ACTL8: variants seen among roughly 807,000 people sequenced by gnomAD.
ACTL8 encodes the protein actin-like protein 8.
ACTL8 carries 3 observed loss-of-function variants against 9.3 expected under a neutral mutation model. The ratio of observed to expected loss-of-function variants is 0.32; its 90% CI spans 0.15 to 0.83. The LOEUF (loss-of-function observed/expected upper bound fraction) is 0.83. ACTL8 is among the 40% of genes least tolerant of loss of function. The probability of loss-of-function intolerance (pLI) is 0.57; values close to 1 mark genes in which losing one functional copy is unlikely to be tolerated. For missense variants in ACTL8, 381 were observed against 492.2 expected (o/e 0.77, Z 2.14); for synonymous variants, 224 against 205.9 (o/e 1.09, Z -0.75).
chr1:17,802,415 C>CCGTGCGTGTGTGTGTGTGTGTG (rs1203599989), intron 1 of ACTL8, among the ~76,000 whole-genome samples: 3 of 136,480 alleles, frequency 2.2e-5, no homozygotes, highest in African/African-American at 8.9e-5. Flanking sequence ...TCCCGGATGA[C>CCGTGCGTGTGTGTGTGTGTGTG]TGTGCGTGCG....
chr1:17,757,991 A>G (rs1384166925), intron 1 of ACTL8, among the ~76,000 whole-genome samples: 2 of 152,228 alleles, frequency 1.3e-5, no homozygotes, highest in Admixed American at 6.5e-5. Flanking sequence ...GACTGCATGT[A>G]TCATGTCTAA....
intron 1 of ACTL8, among the ~76,000 whole-genome samples, chr1:17,787,233 A>G (rs186279553): frequency 1.1e-3 from 164 of 152,024 alleles, no homozygotes; most frequent in Non-Finnish European, 1.3e-3. Flanking sequence ...ACCATGTCCT[A>G]TGGAAATCCT....
intron 1 of ACTL8, among the ~76,000 whole-genome samples, chr1:17,810,703 G>T (rs1476990241): frequency 6.6e-6 from 1 of 152,158 alleles, no homozygotes; most frequent in Non-Finnish European, 1.5e-5. Flanking sequence ...AGAAACGACT[G>T]ATCTGTTTTG....
At chr1:17,796,277 G>C (rs1354245431) in intron 1 of ACTL8, among the ~76,000 whole-genome samples, 2 of 151,194 alleles carry the variant, frequency 1.3e-5, no homozygotes, top group African/African-American at 4.9e-5. Flanking sequence ...TTGATGGAGG[G>C]AGGAGGATGG....
chr1:17,781,188 T>C lies in ACTL8; in HGVS notation c.-25+25684T>C, dbSNP rs924972468. Among the ~76,000 whole-genome samples the C allele has an allele frequency of 3.3e-5, 5 of 151,848 alleles. No individual in the cohort carries two copies. The East Asian group carries it at 9.7e-4, about 29-fold the overall frequency. On this transcript the variant is annotated intron_variant, in intron 1 of 2. Coordinates refer to ENST00000375406, the MANE Select transcript of ACTL8 (RefSeq NM_030812.3). ...TCCTTACATGGCCTTCCTCTCTGTG[T>C]GTCTGTGTTCTTTCCCCTTCTTAGA...
Position 17,772,987 on chromosome 1 carries a change from G to A in ACTL8, c.-25+17483G>A, listed in dbSNP as rs542925735. On this transcript the variant is annotated intron_variant, in intron 1 of 2. Transcript: ENST00000375406. ...ATGTGGTTGACCCTCGCTCACAGCA[G>A]CGAGCTTATCAAAGCAGCAATCATA... Among the ~76,000 whole-genome samples, 8 of 152,290 alleles carry A rather than the reference G, an allele frequency of 5.3e-5. No homozygotes were observed. The South Asian group carries it at 1.2e-3, about 24-fold the overall frequency.
intron 1 of ACTL8, among the ~76,000 whole-genome samples, chr1:17,801,740 C>T (rs1042422371): frequency 2.6e-5 from 4 of 152,028 alleles, no homozygotes; most frequent in Admixed American, 2.0e-4. Flanking sequence ...AGTTTTTCAT[C>T]TAAAATTGAG....
Position 17,792,000 on chromosome 1 carries a change from C to A in ACTL8, c.-24-30985C>A, listed in dbSNP as rs552622253. ...CATCCTTGGCTTGGGATCCTGCCCC[C>A]CCTCATCAACCCCATCAGGAACCCT... On this transcript the variant is annotated intron_variant, in intron 1 of 2. Coordinates refer to ENST00000375406, the MANE Select transcript of ACTL8 (RefSeq NM_030812.3). Among the ~76,000 whole-genome samples, 4 of 151,698 alleles carry A rather than the reference C, an allele frequency of 2.6e-5. No individual in the cohort carries two copies. The South Asian group carries it at 6.2e-4, about 24-fold the overall frequency.
intron 1 of ACTL8, among the ~76,000 whole-genome samples, chr1:17,817,106 C>T (rs191956949): frequency 4.5e-4 from 68 of 150,394 alleles, no homozygotes; most frequent in Non-Finnish European, 3.4e-4. Flanking sequence ...AATTTTTAGT[C>T]CTACTCAGTA....
rs184993743 is a variant in ACTL8, at chr1:17,794,380, A to G, written c.-24-28605A>G. ...CTGGGTTTCTGGGGCGATTCAATAC[A>G]TTGTATACCATAAGACTCATGATTG... On this transcript the variant is annotated intron_variant, in intron 1 of 2. Transcript: ENST00000375406. 1.1e-4 allele frequency among the ~76,000 whole-genome samples: 17 copies of G among 152,274 alleles called. No homozygotes were observed. The East Asian group carries it at 3.3e-3, about 29-fold the overall frequency.
At chr1:17,801,232 C>T (rs2066320574) in intron 1 of ACTL8, among the ~76,000 whole-genome samples, 1 of 152,150 alleles carries the variant, frequency 6.6e-6, no homozygotes, top group South Asian at 2.1e-4. Context: ...GCAGATGAGA[C>T]AAGACACAGA....
chr1:17,819,053 C>T (rs923161768), intron 1 of ACTL8, among the ~76,000 whole-genome samples: 1 of 152,230 alleles, frequency 6.6e-6, no homozygotes, highest in Non-Finnish European at 1.5e-5. Context: ...GCCCCTGCCT[C>T]CCAGCCTCCT....
intron 1 of ACTL8, among the ~76,000 whole-genome samples, chr1:17,812,545 T>C (rs938907368): frequency 1.3e-4 from 19 of 148,018 alleles, no homozygotes; most frequent in Non-Finnish European, 8.9e-5. Flanking sequence ...TTCTCCTGCC[T>C]CAGCCTCCCA....
chr1:17,798,178 C>T (rs2066292132), intron 1 of ACTL8, among the ~76,000 whole-genome samples: 1 of 101,506 alleles, frequency 9.9e-6, no homozygotes, highest in African/African-American at 4.3e-5. Context: ...TCATCAGTCC[C>T]GGCTCTGCCT....
chr1:17,781,541 G>T (rs1287712221), intron 1 of ACTL8, among the ~76,000 whole-genome samples: 2 of 152,062 alleles, frequency 1.3e-5, no homozygotes, highest in Non-Finnish European at 2.9e-5. Context: ...ACCCAACCAG[G>T]ATACCAGGAA....
At chr1:17,801,383 C>G (rs2066321596) in intron 1 of ACTL8, among the ~76,000 whole-genome samples, 1 of 152,192 alleles carries the variant, frequency 6.6e-6, no homozygotes, top group Admixed American at 6.5e-5. Context: ...AAACATCTAT[C>G]CTCTTATCTG....
At chr1:17,768,191 G>C (rs976669390) in intron 1 of ACTL8, among the ~76,000 whole-genome samples, 1 of 149,892 alleles carries the variant, frequency 6.7e-6, no homozygotes, top group Non-Finnish European at 1.5e-5. Context: ...GGGGTGGGTG[G>C]GTGGTGTTTC....
chr1:17,777,942 C>T (rs2066128760), intron 1 of ACTL8, among the ~76,000 whole-genome samples: 1 of 152,232 alleles, frequency 6.6e-6, no homozygotes, highest in Admixed American at 6.5e-5. Flanking sequence ...TGGTGATCCT[C>T]CTGCTTTGGA....
Position 17,823,498 on chromosome 1 carries a change from T to G in ACTL8, c.348+142T>G. 2 of 799,712 alleles carry G rather than the reference T, an allele frequency of 2.5e-6. No individual in the cohort carries two copies. The highest frequency in any genetic ancestry group is 3.7e-5 in the South Asian group (2 of 54,410). The allele number at this position is 799,712 out of a possible 1,614,324, so 49.5% of individuals were successfully genotyped here. A position where few individuals can be genotyped will look rare whatever the true frequency, so the allele number is the denominator to read the frequency against. On this transcript the variant is annotated intron_variant, in intron 2 of 2. Coordinates refer to ENST00000375406, the MANE Select transcript of ACTL8 (RefSeq NM_030812.3). This position sits in a 1 kb window ranked among gnomAD's most constrained non-coding sequence, Gnocchi z 5.3. ...TGGCTTATGCCTGTAATCCCAACAC[T>G]TTGGGACTCCCAGGCAGGCAGATTG...
Sources: gnomAD v4.1 joint callset for allele counts (sites outside exome capture counted in the v4.1 genomes callset) on GRCh38, gnomAD v4.1.1 for gene constraint, Gnocchi (gnomAD v3.1) non-coding constraint, MANE v1.5 for transcripts, NCBI Gene and HGNC (gene_info 2026-07-23, HGNC 2026-07-21) for gene names.